Variants in PRDM16 observed in about 807,000 individuals in gnomAD.
PRDM16 encodes histone-lysine N-methyltransferase PRDM16.
In PRDM16, 23 loss-of-function variants were observed where a neutral mutation model predicts 110.6. The observed-to-expected ratio is 0.21, with a 90% CI of 0.15 to 0.29. PRDM16 has a LOEUF of 0.29. Ranked by LOEUF, PRDM16 falls within the 10% of genes least tolerant of loss-of-function variation. The pLI, the probability that PRDM16 is intolerant of heterozygous loss-of-function variation, is 1.00. For synonymous variants in PRDM16, 799 were observed against 781.8 expected, an observed-to-expected ratio of 1.02 and a Z score of -0.37; for missense variants, 1,615 against 1,794.3, an observed-to-expected ratio of 0.90 and a Z score of 1.81.
Position 3,359,162 on chromosome 1 carries a change from C to A in PRDM16, c.439-25990C>A, listed in dbSNP as rs1240127226. Among the ~76,000 whole-genome samples, 1 of 152,192 alleles carries A rather than the reference C, an allele frequency of 6.6e-6. No individual in the cohort carries two copies. Among genetic ancestry groups the A allele is most frequent in the Non-Finnish European group, 1.5e-5 (1 of 68,030 alleles). On this transcript the variant is annotated intron_variant, in intron 3 of 16. Transcript: ENST00000270722. The surrounding 1 kb of genome is among the most constrained non-coding windows in gnomAD (Gnocchi z 4.3). Reference sequence around the variant, plus strand: ...TCAAGCGATCCTCCCTCCTCAGCCTCCCGAGTAGCTGGGACTACAGGCAGG... The same window carrying A: ...TCAAGCGATCCTCCCTCCTCAGCCTACCGAGTAGCTGGGACTACAGGCAGG...
At chr1:3,378,110 G>A (rs1221509633) in intron 3 of PRDM16, among the ~76,000 whole-genome samples, 1 of 152,228 alleles carries the variant, frequency 6.6e-6, no homozygotes, top group Non-Finnish European at 1.5e-5. Context: ...CAGATCCTTG[G>A]CGCTGTCCCC....
At chr1:3,137,411 G>A (rs1643462628) in intron 1 of PRDM16, among the ~76,000 whole-genome samples, 1 of 152,238 alleles carries the variant, frequency 6.6e-6, no homozygotes, top group South Asian at 2.1e-4. Context: ...AGGCTAGGGA[G>A]AGTGGTGGCT....
intron 2 of PRDM16, among the ~76,000 whole-genome samples, chr1:3,234,273 CAG>C (rs1220765772): frequency 6.6e-6 from 1 of 152,164 alleles, no homozygotes; most frequent in Non-Finnish European, 1.5e-5. Context: ...CTTCCCGAGA[CAG>C]GGGCTTTCAG....
In PRDM16 at chr1:3,265,555, G is replaced by T. The variant is rs538123877; in HGVS notation, c.438+21418G>T. ...GTGTGACTCAAGGGACCCATCCGAG[G>T]TTCATGGGAAGAGGAGAAGGGGTCG... On this transcript the variant is annotated intron_variant, in intron 3 of 16. Coordinates refer to ENST00000270722, the MANE Select transcript of PRDM16 (RefSeq NM_022114.4). The surrounding 1 kb of genome is among the most constrained non-coding windows in gnomAD (Gnocchi z 4.5). Among the ~76,000 whole-genome samples, 7 of 152,216 alleles carry T rather than the reference G, an allele frequency of 4.6e-5. No homozygotes were observed. The East Asian group carries it at 1.2e-3, about 25-fold the overall frequency.
intron 3 of PRDM16, among the ~76,000 whole-genome samples, chr1:3,310,929 TGA>T (rs945208692): frequency 6.6e-6 from 1 of 151,766 alleles, no homozygotes; most frequent in African/African-American, 2.4e-5. Context: ...TGCATGCATG[TGA>T]GTGTGCGTGT....
At chr1:3,162,657 C>T (rs890931126) in intron 1 of PRDM16, among the ~76,000 whole-genome samples, 6 of 152,250 alleles carry the variant, frequency 3.9e-5, no homozygotes, top group Non-Finnish European at 8.8e-5. Flanking sequence ...CCGATGGAGG[C>T]GAATCAGGGA....
rs115348305 is a variant in PRDM16 at position 3,281,517 on chromosome 1, T to C, written c.438+37380T>C. The stretch of plus-strand genomic sequence containing the variant: ...GCATGATCAGATTGATGAGCTATGA[T>C]CAGATTGATTGATTAGCTATGATCG... On this transcript the variant is annotated intron_variant, in intron 3 of 16. Coordinates refer to ENST00000270722, the MANE Select transcript of PRDM16 (RefSeq NM_022114.4). Among the ~76,000 whole-genome samples the C allele has an allele frequency of 3.8e-3, 580 of 152,352 alleles. 4 individuals are homozygous for C. Among genetic ancestry groups the C allele is most frequent in the African/African-American group, 0.013 (555 of 41,580 alleles).
At chr1:3,139,917 G>A (rs1643514180) in intron 1 of PRDM16, among the ~76,000 whole-genome samples, 1 of 152,216 alleles carries the variant, frequency 6.6e-6, no homozygotes, top group African/African-American at 2.4e-5. Context: ...CTGGCTGGGG[G>A]CCATGTGCCG....
chr1:3,421,140 C>T (rs1203764594), intron 12 of PRDM16, among the ~76,000 whole-genome samples: 1 of 152,132 alleles, frequency 6.6e-6, no homozygotes. Flanking sequence ...GTTTCAAAAT[C>T]TCTTCTTTCT....
At position 3,243,349 on chromosome 1, in the gene PRDM16, C is replaced by T. The variant is rs1179918379; in HGVS notation, c.388-738C>T. Among the ~76,000 whole-genome samples the T allele has an allele frequency of 6.7e-6, 1 of 148,900 alleles. No homozygotes were observed. The highest frequency in any genetic ancestry group is 1.5e-5 in the Non-Finnish European group (1 of 67,418). ...AGGGATCTGGATGGGAGTGAAGAGC[C>T]AGTTAAAACACTCCCACCTCTGATT... On this transcript the variant is annotated intron_variant, in intron 2 of 16. Coordinates refer to ENST00000270722, the MANE Select transcript of PRDM16 (RefSeq NM_022114.4). The surrounding 1 kb of genome is among the most constrained non-coding windows in gnomAD (Gnocchi z 5.5).
chr1:3,185,129 G>C (rs1366159897), intron 1 of PRDM16, among the ~76,000 whole-genome samples: 1 of 152,152 alleles, frequency 6.6e-6, no homozygotes, highest in African/African-American at 2.4e-5. Context: ...ACTGGGTGGA[G>C]GGCTTTGCTT....
intron 3 of PRDM16, among the ~76,000 whole-genome samples, chr1:3,317,374 C>T (rs7531407): frequency 0.079 from 12,086 of 152,244 alleles, 1,577 homozygotes; most frequent in African/African-American, 0.27. Flanking sequence ...CTGACAAGGA[C>T]GGACTAACGA....
rs865983497 is a variant in PRDM16 at position 3,201,897 on chromosome 1, G to A, written c.387+15423G>A. 2.4e-4 allele frequency among the ~76,000 whole-genome samples: 37 copies of A among 152,332 alleles called. No homozygotes were observed. The highest frequency in any genetic ancestry group is 6.8e-3 in the Middle Eastern group (2 of 294). ...AGCTTAGGCGCTGACTCCACCTCTC[G>A]GAGGGACCTCCAAGTGGAGCCTTCG... On this transcript the variant is annotated intron_variant, in intron 2 of 16. Coordinates refer to ENST00000270722, the MANE Select transcript of PRDM16 (RefSeq NM_022114.4). The surrounding 1 kb of genome is among the most constrained non-coding windows in gnomAD (Gnocchi z 4.1).
At chr1:3,116,405 G>A (rs1211975087) in intron 1 of PRDM16, among the ~76,000 whole-genome samples, 1 of 152,124 alleles carries the variant, frequency 6.6e-6, no homozygotes, top group Admixed American at 6.5e-5. Flanking sequence ...TGGAGACGTG[G>A]CACCGTACCT....
Position 3,370,788 on chromosome 1 carries a change from C to CCCAT in PRDM16, c.439-14352_439-14349dup. 6.6e-6 allele frequency among the ~76,000 whole-genome samples: 1 copy of CCCAT among 152,194 alleles called. No homozygotes were observed. The highest frequency in any genetic ancestry group is 2.1e-4 in the South Asian group (1 of 4,816). ...GGCAAGTTGAGGGGAGGGTCTGCTCCCCATCCATCCATCCACTCATTTATT... is the reference window on the plus strand; with the variant it reads ...GGCAAGTTGAGGGGAGGGTCTGCTCCCCATCCATCCATCCATCCACTCATTTATT... On this transcript the variant is annotated intron_variant, in intron 3 of 16. Coordinates refer to ENST00000270722, the MANE Select transcript of PRDM16 (RefSeq NM_022114.4). The surrounding 1 kb of genome is among the most constrained non-coding windows in gnomAD (Gnocchi z 4.8).
chr1:3,306,405 C>T (rs760546546), intron 3 of PRDM16, among the ~76,000 whole-genome samples: 4 of 152,124 alleles, frequency 2.6e-5, no homozygotes, highest in Non-Finnish European at 5.9e-5. Context: ...AGGAGTGCAC[C>T]CCTCTCAACA....
rs145414389 is a variant in PRDM16 at position 3,201,340 on chromosome 1, G to T, written c.387+14866G>T. Among the ~76,000 whole-genome samples, 1 of 152,302 alleles carries T rather than the reference G, an allele frequency of 6.6e-6. No individual in the cohort carries two copies. Among genetic ancestry groups the T allele is most frequent in the East Asian group, 1.9e-4 (1 of 5,170 alleles). ...ACTGACTTGAAGCTCGCACAGAGAT[G>T]AACAAGATGCAGCCTCGGCGCTCAG... is the stretch of plus-strand genomic sequence containing the variant. On this transcript the variant is annotated intron_variant, in intron 2 of 16. Transcript: ENST00000270722. This position sits in a 1 kb window ranked among gnomAD's most constrained non-coding sequence, Gnocchi z 4.1.
intron 3 of PRDM16, among the ~76,000 whole-genome samples, chr1:3,346,433 G>A (rs368662339): frequency 5.3e-4 from 81 of 152,242 alleles, no homozygotes; most frequent in African/African-American, 1.7e-3. Flanking sequence ...AGCACAGGGC[G>A]GAACACTCTG....
In PRDM16 at chr1:3,350,027, G is replaced by C. The variant is rs936912459; in HGVS notation, c.439-35125G>C. 2.0e-5 allele frequency among the ~76,000 whole-genome samples: 3 copies of C among 152,212 alleles called. No homozygotes were observed. Among genetic ancestry groups the C allele is most frequent in the Non-Finnish European group, 4.4e-5 (3 of 68,040 alleles). On this transcript the variant is annotated intron_variant, in intron 3 of 16. Transcript: ENST00000270722. The surrounding 1 kb of genome is among the most constrained non-coding windows in gnomAD (Gnocchi z 7.1). ...CTGGACCTGACTCCTGTCTTTGAGG[G>C]GGGAAGAGGACAGGGCAGAAAAGAC...
Sources: gnomAD v4.1 joint callset for allele counts (sites outside exome capture counted in the v4.1 genomes callset) on GRCh38, gnomAD v4.1.1 for gene constraint, Gnocchi (gnomAD v3.1) non-coding constraint, MANE v1.5 for transcripts, NCBI Gene and HGNC (gene_info 2026-07-23, HGNC 2026-07-21) for gene names.